Variants in FRMD4B observed in about 807,000 individuals in gnomAD.
The protein encoded by FRMD4B is FERM domain-containing protein 4B.
Under a neutral mutation model 141.5 loss-of-function variants are expected in FRMD4B, and 74 were observed. The ratio of observed to expected loss-of-function variants is 0.52; its 90% CI spans 0.43 to 0.63. FRMD4B has a LOEUF of 0.63. FRMD4B is among the 30% of genes least tolerant of loss of function. FRMD4B has a pLI of 0.00. For synonymous variants in FRMD4B, 506 were observed against 467.9 expected, an observed-to-expected ratio of 1.08 and a Z score of -1.05; for missense variants, 1,366 against 1,253.4, an observed-to-expected ratio of 1.09 and a Z score of -1.36.
At position 69,491,667 on chromosome 3, in the gene FRMD4B, G is replaced by A. The variant is rs764944069; in HGVS notation, c.-129+50539C>T. ...GATGCTGGCTTCCTTTTTAACCTAA[G>A]CACCACACAGTCAATCAATAAAATG... On this transcript the variant is annotated intron_variant, in intron 1 of 5. Coordinates refer to the FRMD4B transcript ENST00000459638. 4.1e-4 allele frequency among the ~76,000 whole-genome samples: 63 copies of A among 152,238 alleles called. 1 individual carries two copies. In the Middle Eastern group the frequency reaches 0.027, roughly 66 times the overall value.
intron 1 of FRMD4B, among the ~76,000 whole-genome samples, chr3:69,489,452 A>G (rs1421911416): frequency 6.6e-6 from 1 of 152,164 alleles, no homozygotes; most frequent in African/African-American, 2.4e-5. Context: ...TCTCCAAAGA[A>G]AATATATAAA....
chr3:69,455,657 CAGTG>C (rs1365106781), intron 1 of FRMD4B, among the ~76,000 whole-genome samples: 1 of 152,190 alleles, frequency 6.6e-6, no homozygotes, highest in African/African-American at 2.4e-5. Context: ...TTCTTGAAGT[CAGTG>C]AGACCAAAAA....
At chr3:69,243,968 C>T (rs1423046161) in intron 7 of FRMD4B, among the ~76,000 whole-genome samples, 1 of 152,148 alleles carries the variant, frequency 6.6e-6, no homozygotes, top group Non-Finnish European at 1.5e-5. Flanking sequence ...ATTGCTTGAA[C>T]CCGGGAGGCG....
intron 1 of FRMD4B, among the ~76,000 whole-genome samples, chr3:69,324,281 G>T (rs1352511699): frequency 1.3e-5 from 2 of 152,164 alleles, no homozygotes; most frequent in Non-Finnish European, 2.9e-5. Flanking sequence ...TTAAGATGTA[G>T]CCTAGCACAC....
chr3:69,416,586 A>C (rs1704866201), intron 2 of FRMD4B, among the ~76,000 whole-genome samples: 1 of 152,154 alleles, frequency 6.6e-6, no homozygotes, highest in Non-Finnish European at 1.5e-5. Context: ...CAGAATGTGC[A>C]GGTTTGTTAC....
At chr3:69,534,336 T>A (rs1701050204) in intron 1 of FRMD4B, among the ~76,000 whole-genome samples, 1 of 152,226 alleles carries the variant, frequency 6.6e-6, no homozygotes, top group Non-Finnish European at 1.5e-5. Context: ...CATGAAGGTC[T>A]AGGTGAATTT....
chr3:69,263,396 C>CTTTTTTTTTT (rs67497031), intron 5 of FRMD4B, among the ~76,000 whole-genome samples: 1 of 72,918 alleles, frequency 1.4e-5, no homozygotes, highest in African/African-American at 5.8e-5. Flanking sequence ...GTTACATGCA[C>CTTTTTTTTTT]TTTTTTTTTT....
At chr3:69,314,966 C>G (rs1025730827) in intron 1 of FRMD4B, among the ~76,000 whole-genome samples, 1 of 152,112 alleles carries the variant, frequency 6.6e-6, no homozygotes, top group Non-Finnish European at 1.5e-5. Flanking sequence ...GAGTTCAAGA[C>G]GGTAGTGAGC....
In FRMD4B at chr3:69,354,532, G is replaced by T. The variant is rs73835805; in HGVS notation, c.162+31296C>A. Among the ~76,000 whole-genome samples the T allele has an allele frequency of 6.4e-3, 971 of 152,162 alleles. 10 individuals are homozygous for T. Among genetic ancestry groups the T allele is most frequent in the African/African-American group, 0.023 (947 of 41,514 alleles). On this transcript the variant is annotated intron_variant, in intron 1 of 22. Transcript: ENST00000398540. ...GTGTTTTACAGTTGTATATATCCTTGGGAAAGTTACTTGATCTTTCTGAGA... is the reference window on the plus strand; with the variant it reads ...GTGTTTTACAGTTGTATATATCCTTTGGAAAGTTACTTGATCTTTCTGAGA...
chr3:69,482,022 C>G (rs890660729), intron 1 of FRMD4B, among the ~76,000 whole-genome samples: 2 of 152,160 alleles, frequency 1.3e-5, no homozygotes, highest in African/African-American at 4.8e-5. Flanking sequence ...GATGCTAAAG[C>G]TGCAACTAAT....
chr3:69,171,989 A>C lies in FRMD4B; in HGVS notation c.2985-8T>G. The C allele has an allele frequency of 6.2e-7, 1 of 1,612,822 alleles. No individual in the cohort carries two copies. The highest frequency in any genetic ancestry group is 8.5e-7 in the Non-Finnish European group (1 of 1,178,902). On this transcript the variant is annotated splice_polypyrimidine_tract_variant and splice_region_variant and intron_variant, in intron 22 of 22. Transcript: ENST00000398540. ...CTGATTTCTGTGTATTGTCTATTAA[A>C]GAAAACCAGAAAAGTTACTACTTGT...
chr3:69,529,208 G>A (rs1427626340), intron 1 of FRMD4B, among the ~76,000 whole-genome samples: 1 of 152,226 alleles, frequency 6.6e-6, no homozygotes, highest in Admixed American at 6.5e-5. Flanking sequence ...AATGCAGCCA[G>A]TGTTGCTAGA....
rs2092911311 is a variant in FRMD4B, at chr3:69,196,839, A to G, written c.1092+61T>C. 4 of 1,300,452 alleles carry G rather than the reference A, an allele frequency of 3.1e-6. No homozygotes were observed. In the East Asian group the frequency reaches 9.4e-5, roughly 31 times the overall value. The allele number at this position is 1,300,452 out of a possible 1,614,324, so 80.6% of individuals were successfully genotyped here. ...GCTTGCATCTTTTGTGAGAAGGCTT[A>G]TCTTCTGAACAGAATGCAAAAGGGG... On this transcript the variant is annotated intron_variant, in intron 13 of 22. Coordinates refer to ENST00000398540, the MANE Select transcript of FRMD4B (RefSeq NM_015123.3).
chr3:69,475,919 T>C (rs374211377), intron 1 of FRMD4B, among the ~76,000 whole-genome samples: 2,605 of 150,232 alleles, frequency 0.017, 89 homozygotes, highest in African/African-American at 0.062. Flanking sequence ...GAGATGGTAT[T>C]TCATTGTGGT....
At chr3:69,251,240 G>A (rs140433415) in intron 5 of FRMD4B, among the ~76,000 whole-genome samples, 1,775 of 152,218 alleles carry the variant, frequency 0.012, 48 homozygotes, top group Non-Finnish European at 0.013. Flanking sequence ...GGAATTCCTG[G>A]AAATTGCCCT....
intron 1 of FRMD4B, among the ~76,000 whole-genome samples, chr3:69,370,230 G>A (rs1427437511): frequency 2.0e-5 from 3 of 151,694 alleles, no homozygotes; most frequent in Admixed American, 6.6e-5. Context: ...ATTAAAAAAC[G>A]TACATAGAAA....
chr3:69,267,028 T>C lies in FRMD4B; in HGVS notation c.502-16929A>G, dbSNP rs553527617. On this transcript the variant is annotated intron_variant, in intron 5 of 22. Transcript: ENST00000398540. ...TAGACTAGTGATTCTAAAACTTTGG[T>C]GTATTGCAGATACCTGGAGAACTAA... Among the ~76,000 whole-genome samples, 4 of 152,312 alleles carry C rather than the reference T, an allele frequency of 2.6e-5. No individual in the cohort carries two copies. The East Asian group carries it at 7.7e-4, about 29-fold the overall frequency.
In FRMD4B at chr3:69,311,243, A is replaced by G. The variant is rs1396978723; in HGVS notation, c.323+20T>C. The G allele has an allele frequency of 2.5e-6, 3 of 1,200,042 alleles. No homozygotes were observed. The highest frequency in any genetic ancestry group is 3.0e-5 in the African/African-American group (2 of 66,758). 74.3% of individuals were successfully genotyped at this position (1,200,042 alleles called of 1,614,324 possible). A position where few individuals can be genotyped will look rare whatever the true frequency, so the allele number is the denominator to read the frequency against. ...AGCCCAGGCAAAAGGTAAAGAAACT[A>G]AAACTATTAAAGGACTTACGTGTCA... On this transcript the variant is annotated intron_variant, in intron 3 of 22. Transcript: ENST00000398540.
At chr3:69,507,273 C>T (rs999380255) in intron 1 of FRMD4B, among the ~76,000 whole-genome samples, 5 of 152,184 alleles carry the variant, frequency 3.3e-5, no homozygotes, top group Non-Finnish European at 7.3e-5. Flanking sequence ...CATCTCTCTT[C>T]AACCTTTGCC....
Sources: allele counts gnomAD v4.1 joint callset (sites outside exome capture counted in the v4.1 genomes callset), GRCh38; gene constraint gnomAD v4.1.1; transcripts MANE v1.5; gene names NCBI Gene and HGNC (gene_info 2026-07-23, HGNC 2026-07-21).